The following RAPGEF5 variants were observed in gnomAD, a reference collection of about 807,000 sequenced individuals.
RAPGEF5 encodes M-Ras-regulated GEF.
Under a neutral mutation model 125.2 loss-of-function variants are expected in RAPGEF5, and 65 were observed. That is an observed-to-expected ratio of 0.52 (90% confidence interval 0.43 to 0.64). The LOEUF (loss-of-function observed/expected upper bound fraction) is 0.64. Ranked by LOEUF, RAPGEF5 falls within the 30% of genes least tolerant of loss-of-function variation. The probability of loss-of-function intolerance (pLI) is 0.00; values close to 1 mark genes in which losing one functional copy is unlikely to be tolerated. For missense variants in RAPGEF5, 958 were observed against 1,048.1 expected, an observed-to-expected ratio of 0.91 and a Z score of 1.19; for synonymous variants, 391 against 385.9, an observed-to-expected ratio of 1.01 and a Z score of -0.16.
At chr7:22,253,125 A>G (rs1235444349) in intron 7 of RAPGEF5, among the ~76,000 whole-genome samples, 2 of 152,202 alleles carry the variant, frequency 1.3e-5, no homozygotes, top group Admixed American at 6.5e-5. Flanking sequence ...GGAGAAGGAG[A>G]CAGATTTTAC....
chr7:22,336,793 C>T (rs1352229124), intron 1 of RAPGEF5, among the ~76,000 whole-genome samples: 2 of 152,160 alleles, frequency 1.3e-5, no homozygotes, highest in East Asian at 1.9e-4. Flanking sequence ...CCCTTTTCAC[C>T]CAATAAACCC....
intron 1 of RAPGEF5, among the ~76,000 whole-genome samples, chr7:22,334,992 C>T (rs551081440): frequency 2.6e-5 from 4 of 152,302 alleles, no homozygotes; most frequent in African/African-American, 9.6e-5. Flanking sequence ...GCAATTAAGA[C>T]CCCTGACAGA....
chr7:22,258,779 G>A (rs1276112742), intron 7 of RAPGEF5, among the ~76,000 whole-genome samples: 1 of 151,940 alleles, frequency 6.6e-6, no homozygotes, highest in Non-Finnish European at 1.5e-5. Flanking sequence ...AAGTGGTTCA[G>A]AAACAACTGG....
intron 1 of RAPGEF5, among the ~76,000 whole-genome samples, chr7:22,354,189 G>C (rs1043119213): frequency 2.0e-5 from 3 of 152,178 alleles, no homozygotes; most frequent in African/African-American, 7.2e-5. Context: ...CCAGGTTTGT[G>C]GGAGCCCAGG....
intron 1 of RAPGEF5, among the ~76,000 whole-genome samples, chr7:22,344,100 G>C (rs1784179489): frequency 6.6e-6 from 1 of 152,132 alleles, no homozygotes. Flanking sequence ...CTACGGTGAA[G>C]CCCAGCATCA....
chr7:22,270,106 A>G (rs1782383430), intron 6 of RAPGEF5, among the ~76,000 whole-genome samples: 2 of 152,226 alleles, frequency 1.3e-5, no homozygotes, highest in Non-Finnish European at 2.9e-5. Flanking sequence ...CTGACCTTTG[A>G]TCATCTATGT....
chr7:22,290,744 C>CAAAAAA (rs398003971), intron 6 of RAPGEF5, among the ~76,000 whole-genome samples: 5 of 86,192 alleles, frequency 5.8e-5, no homozygotes, highest in African/African-American at 1.2e-4. Context: ...GACTCCGTCT[C>CAAAAAA]AAAAAAAAAA....
chr7:22,261,556 G>A (rs1054421263), intron 7 of RAPGEF5, among the ~76,000 whole-genome samples: 1 of 152,182 alleles, frequency 6.6e-6, no homozygotes, highest in African/African-American at 2.4e-5. Context: ...AAGCTGCAGT[G>A]AGCAGTGAGC....
intron 1 of RAPGEF5, among the ~76,000 whole-genome samples, chr7:22,336,118 C>T (rs900682915): frequency 6.6e-6 from 1 of 152,180 alleles, no homozygotes; most frequent in African/African-American, 2.4e-5. Context: ...CCCTATCACC[C>T]GGGCAACAAT....
At chr7:22,265,249 A>G (rs888674678) in intron 7 of RAPGEF5, among the ~76,000 whole-genome samples, 1 of 152,082 alleles carries the variant, frequency 6.6e-6, no homozygotes, top group African/African-American at 2.4e-5. Context: ...CCCATTAACC[A>G]ACTCTTCATC....
intron 6 of RAPGEF5, among the ~76,000 whole-genome samples, chr7:22,285,299 C>A (rs1782770480): frequency 2.0e-5 from 3 of 152,302 alleles, no homozygotes; most frequent in Admixed American, 6.5e-5. Flanking sequence ...TTACATCAGA[C>A]CATCATGGTC....
intron 24 of RAPGEF5, among the ~76,000 whole-genome samples, chr7:22,130,496 AC>A (rs1484928557): frequency 6.6e-6 from 1 of 152,118 alleles, no homozygotes; most frequent in Non-Finnish European, 1.5e-5. Context: ...CAGGGATGGC[AC>A]CCTTTGTCCA....
intron 11 of RAPGEF5, chr7:22,191,774 G>T (rs1179405398): frequency 2.4e-6 from 1 of 418,400 alleles, no homozygotes. Context: ...GTGGGAACCT[G>T]TGAGCACCTG....
chr7:22,124,932 G>A (rs1383568628), intron 25 of RAPGEF5, among the ~76,000 whole-genome samples: 2 of 152,132 alleles, frequency 1.3e-5, no homozygotes, highest in African/African-American at 4.8e-5. Context: ...CTGATGTCAG[G>A]ATTCCATTGC....
chr7:22,224,581 T>C (rs1321810924), intron 8 of RAPGEF5, among the ~76,000 whole-genome samples: 2 of 152,072 alleles, frequency 1.3e-5, no homozygotes. Flanking sequence ...TGTGATGGAT[T>C]TAGTCCCCAT....
chr7:22,230,486 C>T (rs187123710), intron 8 of RAPGEF5, among the ~76,000 whole-genome samples: 1 of 152,106 alleles, frequency 6.6e-6, no homozygotes, highest in African/African-American at 2.4e-5. Context: ...ATATTCATGC[C>T]GTGATTTAGC....
intron 18 of RAPGEF5, among the ~76,000 whole-genome samples, chr7:22,148,208 G>T (rs1783506440): frequency 6.6e-6 from 1 of 152,162 alleles, no homozygotes; most frequent in African/African-American, 2.4e-5. Flanking sequence ...CTCTACTGCT[G>T]ACTTTCTAAG....
chr7:22,256,192 A>T (rs957779488), intron 7 of RAPGEF5, among the ~76,000 whole-genome samples: 29 of 152,150 alleles, frequency 1.9e-4, no homozygotes, highest in African/African-American at 7.0e-4. Flanking sequence ...CCTTCCAACA[A>T]GATCGCTTAG....
chr7:22,145,347 C>T (rs992219298), intron 19 of RAPGEF5, 125 bp from the exon 20 acceptor site: 1 of 879,504 alleles, frequency 1.1e-6, no homozygotes, highest in African/African-American at 1.7e-5. Context: ...TAACAGAGAA[C>T]ATGGTGAATA....
Sources: gnomAD v4.1 joint callset for allele counts (sites outside exome capture counted in the v4.1 genomes callset) on GRCh38, gnomAD v4.1.1 for gene constraint, MANE v1.5 for transcripts, NCBI Gene and HGNC (gene_info 2026-07-23, HGNC 2026-07-21) for gene names.